BRINP3: variants seen among roughly 807,000 people sequenced by gnomAD.
BRINP3 encodes the protein BMP/retinoic acid inducible neural specific 3, also known as BMP/retinoic acid-inducible neural-specific protein 3.
Under a neutral mutation model 71.0 loss-of-function variants are expected in BRINP3, and 19 were observed. The observed-to-expected ratio is 0.27, with a 90% CI of 0.19 to 0.39. The LOEUF (loss-of-function observed/expected upper bound fraction) is 0.39. BRINP3 is among the 10% of genes least tolerant of loss of function. The probability of loss-of-function intolerance (pLI) is 1.00; values close to 1 mark genes in which losing one functional copy is unlikely to be tolerated. For synonymous variants in BRINP3, 380 were observed against 337.7 expected, an observed-to-expected ratio of 1.13 and a Z score of -1.37; for missense variants, 959 against 940.8, an observed-to-expected ratio of 1.02 and a Z score of -0.25.
At chr1:190,254,299 A>G (rs899085403) in intron 4 of BRINP3, among the ~76,000 whole-genome samples, 2 of 148,974 alleles carry the variant, frequency 1.3e-5, no homozygotes, top group Non-Finnish European at 3.0e-5. Flanking sequence ...TTTTTTTTCA[A>G]CTCTGTGAAG....
At chr1:190,372,379 C>CTTACTGAGGGTGT (rs1333030483) in intron 2 of BRINP3, among the ~76,000 whole-genome samples, 10 of 152,138 alleles carry the variant, frequency 6.6e-5, no homozygotes, top group Non-Finnish European at 1.5e-4. Flanking sequence ...TCCTTCTTTG[C>CTTACTGAGGGTGT]TTACTGAGGG....
At chr1:190,183,613 G>A (rs773009941) in intron 6 of BRINP3, among the ~76,000 whole-genome samples, 2 of 152,122 alleles carry the variant, frequency 1.3e-5, no homozygotes, top group Non-Finnish European at 2.9e-5. Flanking sequence ...ATGGGGGATG[G>A]ATGCCTCATT....
intron 2 of BRINP3, among the ~76,000 whole-genome samples, chr1:190,296,770 C>A (rs1436187864): frequency 6.6e-6 from 1 of 151,812 alleles, no homozygotes; most frequent in Non-Finnish European, 1.5e-5. Flanking sequence ...AAGAACTATC[C>A]ACAAAAGGAA....
chr1:190,280,943 A>G (rs927141821), intron 3 of BRINP3, among the ~76,000 whole-genome samples: 2 of 151,956 alleles, frequency 1.3e-5, no homozygotes, highest in African/African-American at 4.8e-5. Context: ...GCTGAATCAC[A>G]CATCACTATG....
At chr1:190,345,274 G>A (rs193104014) in intron 2 of BRINP3, among the ~76,000 whole-genome samples, 34 of 151,672 alleles carry the variant, frequency 2.2e-4, no homozygotes, top group Admixed American at 8.6e-4. Flanking sequence ...CTGGAAAGGC[G>A]ATTTGAAAGA....
chr1:190,154,186 C>T (rs942522080), intron 7 of BRINP3: 15 of 377,772 alleles, frequency 4.0e-5, no homozygotes, highest in Non-Finnish European at 5.1e-5. Flanking sequence ...ATGCATTCCT[C>T]CCATTTATAT....
intron 2 of BRINP3, among the ~76,000 whole-genome samples, chr1:190,307,716 G>T (rs1166598511): frequency 1.3e-5 from 2 of 151,826 alleles, no homozygotes; most frequent in African/African-American, 4.8e-5. Flanking sequence ...GAAAAAAAGA[G>T]CTTCCATATT....
intron 2 of BRINP3, among the ~76,000 whole-genome samples, chr1:190,401,615 A>G (rs570073818): frequency 5.7e-4 from 87 of 152,178 alleles, no homozygotes; most frequent in Non-Finnish European, 1.1e-3. Flanking sequence ...TGCCTGTGAC[A>G]CATGTGGGAT....
chr1:190,408,351 G>A (rs1672442582), intron 2 of BRINP3, among the ~76,000 whole-genome samples: 1 of 151,784 alleles, frequency 6.6e-6, no homozygotes, highest in Admixed American at 6.6e-5. Flanking sequence ...GCCTACATTT[G>A]TCATTTTATA....
chr1:190,467,234 T>G (rs779970512), intron 1 of BRINP3, among the ~76,000 whole-genome samples: 2 of 151,574 alleles, frequency 1.3e-5, no homozygotes, highest in Non-Finnish European at 3.0e-5. Flanking sequence ...GTAGATTAAT[T>G]TTAAAAAGTG....
At chr1:190,407,082 C>G (rs148923201) in intron 2 of BRINP3, among the ~76,000 whole-genome samples, 62 of 152,256 alleles carry the variant, frequency 4.1e-4, no homozygotes, top group Admixed American at 5.2e-4. Context: ...CTAAAAAGCA[C>G]TCAATTTTAT....
chr1:190,314,980 A>G (rs981830730), intron 2 of BRINP3, among the ~76,000 whole-genome samples: 1 of 152,120 alleles, frequency 6.6e-6, no homozygotes, highest in African/African-American at 2.4e-5. Flanking sequence ...CTAAAATAGA[A>G]GTTAAAATCA....
intron 2 of BRINP3, among the ~76,000 whole-genome samples, chr1:190,429,376 T>C (rs1572025023): frequency 6.6e-6 from 1 of 152,148 alleles, no homozygotes. Flanking sequence ...ACAAAAAATA[T>C]GGTAGACTTT....
At chr1:190,183,901 A>G (rs1191485509) in intron 6 of BRINP3, among the ~76,000 whole-genome samples, 1 of 152,030 alleles carries the variant, frequency 6.6e-6, no homozygotes, top group Admixed American at 6.6e-5. Flanking sequence ...GCAGCATTTT[A>G]TGTGGTGTTT....
At chr1:190,277,088 T>TAC (rs1662627848) in intron 3 of BRINP3, among the ~76,000 whole-genome samples, 1 of 32,084 alleles carries the variant, frequency 3.1e-5, no homozygotes, top group Admixed American at 3.9e-4. Flanking sequence ...ATTTTGGTTT[T>TAC]ATATATATAT....
chr1:190,352,525 A>G (rs1486825541), intron 2 of BRINP3, among the ~76,000 whole-genome samples: 4 of 152,034 alleles, frequency 2.6e-5, no homozygotes, highest in African/African-American at 9.7e-5. Context: ...TTTAAAATTC[A>G]ATGATTAAAA....
At chr1:190,447,162 GAGTA>G (rs1366956365) in intron 2 of BRINP3, among the ~76,000 whole-genome samples, 6 of 151,294 alleles carry the variant, frequency 4.0e-5, no homozygotes, top group East Asian at 3.9e-4. Flanking sequence ...CTGTTTATAG[GAGTA>G]AGTAAGATAA....
intron 3 of BRINP3, among the ~76,000 whole-genome samples, chr1:190,277,996 G>A (rs1430234445): frequency 1.3e-5 from 2 of 151,624 alleles, no homozygotes; most frequent in Non-Finnish European, 3.0e-5. Context: ...TAGATAGAAT[G>A]ATAATTCAAT....
At chr1:190,270,073 A>G (rs1048302205) in intron 3 of BRINP3, among the ~76,000 whole-genome samples, 1 of 151,982 alleles carries the variant, frequency 6.6e-6, no homozygotes, top group South Asian at 2.1e-4. Flanking sequence ...CATAAAGTGG[A>G]TAAAAATTGT....
Sources: gnomAD v4.1 joint callset for allele counts (sites outside exome capture counted in the v4.1 genomes callset) on GRCh38, gnomAD v4.1.1 for gene constraint, MANE v1.5 for transcripts, NCBI Gene and HGNC (gene_info 2026-07-23, HGNC 2026-07-21) for gene names.